Variants in KRIT1 observed in about 807,000 individuals in gnomAD.
KRIT1 encodes the protein KRIT1 ankyrin repeat containing, also known as krev interaction trapped protein 1.
A neutral mutation model predicts 95.8 loss-of-function variants in KRIT1; 45 were observed. That is an observed-to-expected ratio of 0.47 (90% CI 0.37 to 0.60). The LOEUF (loss-of-function observed/expected upper bound fraction) is 0.60, where lower values mean the gene tolerates loss of function less well. Among genes scored for constraint, KRIT1 ranks in the 20% least tolerant of loss-of-function variants. The pLI, the probability that KRIT1 is intolerant of heterozygous loss-of-function variation, is 0.00. For missense variants in KRIT1, 788 were observed against 877.5 expected, an observed-to-expected ratio of 0.90 and a Z score of 1.29; for synonymous variants, 282 against 278.8, an observed-to-expected ratio of 1.01 and a Z score of -0.11.
At chr7:92,225,922 G>C in intron 11 of KRIT1, 95 bp from the exon 12 acceptor site, 1 of 734,370 alleles carries the variant, frequency 1.4e-6, no homozygotes, top group Admixed American at 2.1e-5. Flanking sequence ...TCATAAAAAA[G>C]AGACTCTTGT....
intron 12 of KRIT1, among the ~76,000 whole-genome samples, chr7:92,224,855 T>G (rs1795891254): frequency 6.6e-6 from 1 of 152,168 alleles, no homozygotes; most frequent in Non-Finnish European, 1.5e-5. Flanking sequence ...TGACAATGAA[T>G]AGATTAAAAT....
chr7:92,207,463 A>G (rs1791812742), intron 17 of KRIT1, among the ~76,000 whole-genome samples: 1 of 152,226 alleles, frequency 6.6e-6, no homozygotes, highest in Non-Finnish European at 1.5e-5. Flanking sequence ...ACAGACTCCA[A>G]TACAATAATA....
intron 18 of KRIT1, 70 bp from the exon 19 acceptor site, chr7:92,200,874 G>A: frequency 3.8e-6 from 4 of 1,059,702 alleles, no homozygotes; most frequent in Non-Finnish European, 5.8e-6. Context: ...TCATGACATT[G>A]GGCAGTTCCC....
chr7:92,235,788 TTTA>T (rs1417017997), intron 7 of KRIT1, 142 bp from the exon 8 acceptor site: 2 of 724,844 alleles, frequency 2.8e-6, no homozygotes, highest in African/African-American at 1.8e-5. Context: ...AGTTAAGTAC[TTTA>T]TTATTTTTAA....
At chr7:92,240,246 A>G (rs921790063) in intron 5 of KRIT1, among the ~76,000 whole-genome samples, 3 of 152,148 alleles carry the variant, frequency 2.0e-5, no homozygotes, top group African/African-American at 7.2e-5. Flanking sequence ...TGCAACAAAA[A>G]CCATCTCTTT....
downstream of KRIT1, chr7:92,199,206 A>G (rs75182503): frequency 5.3e-5 from 8 of 152,354 alleles, no homozygotes; most frequent in East Asian, 1.5e-3. Flanking sequence ...TGAAAAGGGT[A>G]TTGTTCATGT....
At chr7:92,235,176 T>A (rs1798148371) in intron 8 of KRIT1, among the ~76,000 whole-genome samples, 1 of 152,058 alleles carries the variant, frequency 6.6e-6, no homozygotes, top group Non-Finnish European at 1.5e-5. Flanking sequence ...ATTTTTGTAT[T>A]TTTAGTAGAG....
chr7:92,245,679 G>T, intron 1 of KRIT1, 111 bp downstream of exon 1: 1 of 152,482 alleles, frequency 6.6e-6, no homozygotes, highest in Non-Finnish European at 1.5e-5. Flanking sequence ...CCAGCTTCCT[G>T]TGGCAGAAAA....
intron 17 of KRIT1, among the ~76,000 whole-genome samples, chr7:92,203,101 T>C (rs77273479): frequency 6.6e-6 from 1 of 152,356 alleles, no homozygotes; most frequent in African/African-American, 2.4e-5. Flanking sequence ...ACAAAAGTAC[T>C]GAGCCTGTAG....
Position 92,222,869 on chromosome 7 carries a change from T to C in KRIT1, c.1364A>G (p.Gln455Arg), listed in dbSNP as rs1795414049. ...QQIMEGMRLS[Q>R]ETQQYFTIWI... ...TATAGTGAAATATTGCTGAGTTTCT[T>C]GAGAGAGACGCATTCCTTCCATTAT... The change falls in exon 13 of 19, where the codon CAA (glutamine) becomes CGA (arginine). Residue 455 changes from glutamine to arginine, a missense_variant. Gln to Arg is a conservative substitution (Grantham distance 43). Around this residue, in one of 3 missense-constraint regions of KRIT1, gnomAD observed 493 missense variants for 582.3 expected, o/e 0.85. Transcript: ENST00000394505. 1 of 1,610,060 alleles carries C rather than the reference T, an allele frequency of 6.2e-7. No individual in the cohort carries two copies. The highest frequency in any genetic ancestry group is 1.3e-5 in the African/African-American group (1 of 74,966).
At position 92,222,035 on chromosome 7, in the gene KRIT1, T is replaced by C; in HGVS notation, c.1430A>G (p.Tyr477Cys). 6.2e-7 allele frequency: 1 copy of C among 1,613,676 alleles called. No individual in the cohort carries two copies. Among genetic ancestry groups the C allele is most frequent in the Non-Finnish European group, 8.5e-7 (1 of 1,179,630 alleles). Residue 477 changes from tyrosine (Y) to cysteine (C), a missense_variant, in exon 14 of 19, where the codon TAT becomes TGT. Physicochemically the swap from Tyr to Cys is radical, Grantham distance 194. Coordinates refer to ENST00000394505, the MANE Select transcript of KRIT1 (RefSeq NM_194454.3). ...SENLSLQLKPYHKPLQHVRDW... is the reference protein window; with the variant it reads ...SENLSLQLKPCHKPLQHVRDW... ...ACGAACATGTTGCAAGGGTTTATGA[T>C]ATGGTTTGAGTTGAAGGCCTGAAAA... is the stretch of plus-strand genomic sequence containing the variant.
intron 1 of KRIT1, 173 bp downstream of exon 1, chr7:92,245,590 AGTCACCTGGCGAGGGGGGGCAGGGACC>A (rs1800783769): frequency 6.6e-6 from 1 of 151,932 alleles, no homozygotes; most frequent in Non-Finnish European, 1.5e-5. Context: ...TGGGTGGGAC[AGTCACCTGGCGAGGGGGGGCAGGGACC>A]GTCACCGCTT....
intron 6 of KRIT1, among the ~76,000 whole-genome samples, chr7:92,236,866 A>G (rs984208096): frequency 2.2e-4 from 34 of 152,194 alleles, no homozygotes; most frequent in African/African-American, 6.0e-4. Context: ...GGAAAAATAT[A>G]TCTGGAATGC....
intron 17 of KRIT1, among the ~76,000 whole-genome samples, chr7:92,211,769 C>T (rs988458966): frequency 6.6e-6 from 1 of 151,728 alleles, no homozygotes; most frequent in African/African-American, 2.4e-5. Context: ...TGACATGTAC[C>T]TCATAAATAT....
At chr7:92,213,111 C>T (rs1379505410) in intron 17 of KRIT1, 84 bp downstream of exon 17, 8 of 903,708 alleles carry the variant, frequency 8.9e-6, no homozygotes, top group Non-Finnish European at 1.5e-5. Context: ...TGTATATATG[C>T]CATTTCTAAA....
chr7:92,206,988 A>T (rs1791667434), intron 17 of KRIT1: 1 of 151,978 alleles, frequency 6.6e-6, no homozygotes, highest in Non-Finnish European at 1.5e-5. Flanking sequence ...AGAATGAAGA[A>T]AGCCAATGTG....
chr7:92,204,008 G>C (rs192174522), intron 17 of KRIT1: 7 of 152,768 alleles, frequency 4.6e-5, no homozygotes. Context: ...TAAGGTGGGA[G>C]AATCACCTTG....
chr7:92,244,546 C>G (rs1800430654), intron 2 of KRIT1, among the ~76,000 whole-genome samples: 1 of 152,162 alleles, frequency 6.6e-6, no homozygotes, highest in Non-Finnish European at 1.5e-5. Context: ...TACTTGACTA[C>G]TTAAAATCTA....
Position 92,236,493 on chromosome 7 carries a change from T to G in KRIT1, c.405A>C (p.Leu135Phe), listed in dbSNP as rs1326222585. The change falls in exon 7 of 19, where the codon TTA (leucine) becomes TTC (phenylalanine). Residue 135 changes from leucine (L) to phenylalanine (F), a missense_variant. By Grantham distance (22) the Leu-to-Phe change is conservative. This residue lies in a region of KRIT1 where 289 missense variants were observed against 277.5 expected (regional missense o/e 1.04). Transcript: ENST00000394505. ...CACTACAGACTCGCATAATATCTTG[T>G]AAGCAGTAAAAAATTGGGCATCCTG... is the stretch of plus-strand genomic sequence containing the variant. ...YTPGCPIFYC[L>F]QDIMRVCSES... The G allele has an allele frequency of 1.9e-6, 3 of 1,588,044 alleles. No individual in the cohort carries two copies. The East Asian group carries it at 6.7e-5, about 36-fold the overall frequency.
Sources: allele counts gnomAD v4.1 joint callset (sites outside exome capture counted in the v4.1 genomes callset), GRCh38; gene constraint gnomAD v4.1.1; regional missense constraint gnomAD v4.1.1; transcripts MANE v1.5; gene names NCBI Gene and HGNC (gene_info 2026-07-23, HGNC 2026-07-21).